Variants in RALGAPA2 observed in about 807,000 individuals in gnomAD.
RALGAPA2 encodes the protein ral GTPase-activating protein subunit alpha-2.
Under a neutral mutation model 230.4 loss-of-function variants are expected in RALGAPA2, and 139 were observed. The observed-to-expected ratio is 0.60, with a 90% CI of 0.53 to 0.69. The LOEUF (loss-of-function observed/expected upper bound fraction) is 0.69, where lower values mean the gene tolerates loss of function less well. RALGAPA2 is among the 30% of genes least tolerant of loss of function. RALGAPA2 has a pLI of 0.00. For synonymous variants in RALGAPA2, 847 were observed against 837.8 expected, an observed-to-expected ratio of 1.01 and a Z score of -0.19; for missense variants, 2,163 against 2,276.0, an observed-to-expected ratio of 0.95 and a Z score of 1.01.
intron 6 of RALGAPA2, among the ~76,000 whole-genome samples, 180 bp from the exon 7 acceptor site, chr20:20,640,080 C>G (rs956920893): frequency 6.6e-6 from 1 of 152,216 alleles, no homozygotes; most frequent in African/African-American, 2.4e-5. Context: ...CAGATGCCCA[C>G]GAAGCGCCTT....
intron 23 of RALGAPA2, among the ~76,000 whole-genome samples, chr20:20,559,271 T>G (rs538648003): frequency 6.6e-6 from 1 of 152,302 alleles, no homozygotes; most frequent in South Asian, 2.1e-4. Context: ...CGACCAACCC[T>G]CTAATGTGGG....
intron 8 of RALGAPA2, among the ~76,000 whole-genome samples, chr20:20,636,647 G>A (rs1725216457): frequency 6.6e-6 from 1 of 151,844 alleles, no homozygotes; most frequent in African/African-American, 2.4e-5. Flanking sequence ...CCCCAAAAAA[G>A]TAACATCTCG....
At chr20:20,702,485 T>C (rs1366443647) in intron 1 of RALGAPA2, among the ~76,000 whole-genome samples, 1 of 152,132 alleles carries the variant, frequency 6.6e-6, no homozygotes, top group Non-Finnish European at 1.5e-5. Context: ...TCTGAGAAGG[T>C]CTTAGGCCAA....
chr20:20,674,904 A>C (rs2068264113), intron 3 of RALGAPA2, among the ~76,000 whole-genome samples: 1 of 152,196 alleles, frequency 6.6e-6, no homozygotes, highest in South Asian at 2.1e-4. Context: ...AGGATGGTGG[A>C]AGAGCACCTA....
intron 39 of RALGAPA2, 68 bp downstream of exon 39, chr20:20,396,627 A>G: frequency 6.9e-7 from 1 of 1,446,804 alleles, no homozygotes; most frequent in Non-Finnish European, 9.5e-7. Flanking sequence ...AGGGCAGCCG[A>G]TTAGAAAAGT....
At chr20:20,468,416 C>T (rs1394581520) in intron 37 of RALGAPA2, among the ~76,000 whole-genome samples, 3 of 119,792 alleles carry the variant, frequency 2.5e-5, no homozygotes, top group Non-Finnish European at 5.1e-5. Context: ...TTCACAGGCA[C>T]GTGTTGACCT....
intron 1 of RALGAPA2, among the ~76,000 whole-genome samples, chr20:20,701,188 T>A (rs1026360404): frequency 9.9e-5 from 15 of 152,220 alleles, no homozygotes; most frequent in Non-Finnish European, 2.1e-4. Flanking sequence ...TGAACAAGGT[T>A]CTTAACCTGT....
intron 3 of RALGAPA2, among the ~76,000 whole-genome samples, chr20:20,674,593 A>G (rs2146781330): frequency 6.6e-6 from 1 of 152,354 alleles, no homozygotes; most frequent in Admixed American, 6.5e-5. Context: ...TACCAAGAAA[A>G]CAAAAAACCT....
At chr20:20,546,925 T>C in intron 23 of RALGAPA2, 93 bp from the exon 24 acceptor site, 1 of 1,298,960 alleles carries the variant, frequency 7.7e-7, no homozygotes, top group South Asian at 1.9e-5. Flanking sequence ...CACTGTATAA[T>C]AATCCAAGAG....
At chr20:20,478,979 C>T (rs1408082234) in intron 36 of RALGAPA2, among the ~76,000 whole-genome samples, 1 of 151,246 alleles carries the variant, frequency 6.6e-6, no homozygotes, top group Admixed American at 6.6e-5. Context: ...AAAAGGAATC[C>T]AACTATAGAT....
chr20:20,487,012 A>G (rs537102689), intron 36 of RALGAPA2, among the ~76,000 whole-genome samples: 71 of 152,340 alleles, frequency 4.7e-4, no homozygotes, highest in Non-Finnish European at 8.7e-4. Context: ...TAGCATATTA[A>G]TCAGTAATTT....
At chr20:20,658,639 C>T (rs768410809) in intron 3 of RALGAPA2, among the ~76,000 whole-genome samples, 9 of 152,186 alleles carry the variant, frequency 5.9e-5, no homozygotes, top group East Asian at 3.9e-4. Flanking sequence ...CACTCGAAAT[C>T]GAAATTAGGT....
intron 15 of RALGAPA2, among the ~76,000 whole-genome samples, chr20:20,603,803 T>C (rs1273664321): frequency 6.6e-6 from 1 of 152,246 alleles, no homozygotes; most frequent in Non-Finnish European, 1.5e-5. Context: ...GTTGTTATTT[T>C]AAGCCATAAG....
At position 20,611,380 on chromosome 20, in the gene RALGAPA2, G is replaced by GCTGT. The variant is rs1273352923; in HGVS notation, c.1734_1735insACAG (p.Gln579ThrfsTer7). The GCTGT allele has an allele frequency of 6.2e-7, 1 of 1,613,542 alleles. No individual in the cohort carries two copies. Among genetic ancestry groups the GCTGT allele is most frequent in the Non-Finnish European group, 8.5e-7 (1 of 1,179,656 alleles). ...TTTATTTGTTTATCCTTTGGCTTCT[G>GCTGT]CATGACAGCTTCTGTTATCCTGAGT... is the stretch of plus-strand genomic sequence containing the variant. On this transcript the variant is annotated frameshift_variant, in exon 14 of 40. Coordinates refer to ENST00000202677, the MANE Select transcript of RALGAPA2 (RefSeq NM_020343.4). LOFTEE classifies it high-confidence loss of function.
intron 13 of RALGAPA2, among the ~76,000 whole-genome samples, chr20:20,612,145 A>G (rs2065994655): frequency 6.6e-6 from 1 of 152,386 alleles, no homozygotes; most frequent in Non-Finnish European, 1.5e-5. Flanking sequence ...AATTACAATA[A>G]TAAGTTCTTC....
At chr20:20,695,676 T>C (rs2069084000) in intron 1 of RALGAPA2, among the ~76,000 whole-genome samples, 1 of 152,220 alleles carries the variant, frequency 6.6e-6, no homozygotes, top group African/African-American at 2.4e-5. Context: ...TACTGTCATA[T>C]TTTGAAACAC....
rs574669574 is a variant in RALGAPA2, at chr20:20,476,289, T to C, written c.5368-3333A>G. On this transcript the variant is annotated intron_variant, in intron 36 of 39. Transcript: ENST00000202677. The stretch of plus-strand genomic sequence containing the variant: ...GTCAAGATGATAATAAGAAGACTTA[T>C]ATTACCTAATTTCATGGCACACTAT... Among the ~76,000 whole-genome samples the C allele has an allele frequency of 2.2e-4, 33 of 152,296 alleles. 1 individual carries two copies. The East Asian group carries it at 5.6e-3, about 26-fold the overall frequency.
chr20:20,470,017 G>A (rs552400415), intron 37 of RALGAPA2, among the ~76,000 whole-genome samples: 2 of 152,100 alleles, frequency 1.3e-5, no homozygotes, highest in Non-Finnish European at 2.9e-5. Flanking sequence ...GTTCCTGAGG[G>A]TGCTTTCCAA....
intron 36 of RALGAPA2, among the ~76,000 whole-genome samples, chr20:20,480,341 C>T (rs559435303): frequency 6.6e-6 from 1 of 152,312 alleles, no homozygotes; most frequent in South Asian, 2.1e-4. Context: ...AGTGGAGTTA[C>T]AGGAGGGCCT....
Sources: gnomAD v4.1 joint callset for allele counts (sites outside exome capture counted in the v4.1 genomes callset) on GRCh38, gnomAD v4.1.1 for gene constraint, MANE v1.5 for transcripts, NCBI Gene and HGNC (gene_info 2026-07-23, HGNC 2026-07-21) for gene names.